The following MED25 variants were observed in gnomAD, a reference collection of about 807,000 sequenced individuals.
The protein encoded by MED25 is mediator complex subunit 25.
MED25 carries 62 observed loss-of-function variants against 89.4 expected under a neutral mutation model. That is an observed-to-expected ratio of 0.69 (90% confidence interval 0.57 to 0.86). The LOEUF (loss-of-function observed/expected upper bound fraction) is 0.86. Among genes scored for constraint, MED25 ranks in the 40% least tolerant of loss-of-function variants. MED25 has a pLI of 0.00. For synonymous variants in MED25, 449 were observed against 427.9 expected, an observed-to-expected ratio of 1.05 and a Z score of -0.61; for missense variants, 905 against 1,005.2, an observed-to-expected ratio of 0.90 and a Z score of 1.35.
chr19:49,836,027 T>C lies in MED25; in HGVS notation c.1965+82T>C, dbSNP rs2074095310. Reference sequence around the variant, plus strand: ...TCCTGTTGTCTGGGAGGAGGGAGGTTGACTGTGGTCAGTGGGTGTGAATGG... The same window carrying C: ...TCCTGTTGTCTGGGAGGAGGGAGGTCGACTGTGGTCAGTGGGTGTGAATGG... On this transcript the variant is annotated intron_variant, in intron 16 of 17. Transcript: ENST00000312865. The surrounding 1 kb of genome is among the most constrained non-coding windows in gnomAD (Gnocchi z 5.1). 6.4e-7 allele frequency: 1 copy of C among 1,568,898 alleles called. No homozygotes were observed. The highest frequency in any genetic ancestry group is 1.4e-5 in the African/African-American group (1 of 73,512).
chr19:49,835,222 C>T lies in MED25; in HGVS notation c.1674+45C>T. The T allele has an allele frequency of 6.2e-7, 1 of 1,606,696 alleles. No homozygotes were observed. Among genetic ancestry groups the T allele is most frequent in the Non-Finnish European group, 8.5e-7 (1 of 1,173,854 alleles). On this transcript the variant is annotated intron_variant, in intron 14 of 17. Transcript: ENST00000312865. This position sits in a 1 kb window ranked among gnomAD's most constrained non-coding sequence, Gnocchi z 6.2. ...AAACCAGCACTCCGACCCCCTCCTG[C>T]CCGGGCCCCACATGGCCCCCTGGGG... is the stretch of plus-strand genomic sequence containing the variant.
At position 49,818,573 on chromosome 19, in the gene MED25, AT is replaced by A; in HGVS notation, c.141del (p.Phe47LeufsTer167). On this transcript the variant is annotated frameshift_variant, in exon 2 of 18. Coordinates refer to ENST00000312865, the MANE Select transcript of MED25 (RefSeq NM_030973.4). LOFTEE classifies it high-confidence loss of function. ...RKHYLLPAIE[Y>X]FNGGPPAETD... ...CCTTTCACTTCCTACCCTCACAGGT[AT>A]TTTAATGGTGGTCCTCCTGCTGAGA... 6.2e-7 allele frequency: 1 copy of A among 1,614,142 alleles called. No homozygotes were observed. Among genetic ancestry groups the A allele is most frequent in the Non-Finnish European group, 8.5e-7 (1 of 1,180,018 alleles).
chr19:49,818,731 T>A, intron 2 of MED25, 115 bp downstream of exon 2: 1 of 1,003,728 alleles, frequency 1.0e-6, no homozygotes, highest in Non-Finnish European at 1.5e-6. Flanking sequence ...GAGGAGGGGC[T>A]GGGGGTCTGG....
downstream of MED25, among the ~76,000 whole-genome samples, chr19:49,837,723 G>A (rs2074109660): frequency 6.6e-6 from 1 of 152,190 alleles, no homozygotes; most frequent in Non-Finnish European, 1.5e-5. Context: ...AGTGCAGGTG[G>A]TCCAAGGGAC....
At chr19:49,838,500 C>T (rs755762728), downstream of MED25, 7 of 443,426 alleles carry the variant, frequency 1.6e-5, no homozygotes, top group East Asian at 7.0e-5. Context: ...GCCTTTGTCA[C>T]GGGGTTTGCA....
chr19:49,829,135 G>A lies in MED25; in HGVS notation c.525+45G>A, dbSNP rs776380023. The A allele has an allele frequency of 1.9e-6, 3 of 1,565,626 alleles. No individual in the cohort carries two copies. The Admixed American group carries it at 5.3e-5, about 28-fold the overall frequency. ...AGGGACGAGGGTCTGGGGGCCCGGA[G>A]TCTTGGGTCTGAGGCAGGAGGCACT... On this transcript the variant is annotated intron_variant, in intron 5 of 17. Coordinates refer to ENST00000312865, the MANE Select transcript of MED25 (RefSeq NM_030973.4). This position sits in a 1 kb window ranked among gnomAD's most constrained non-coding sequence, Gnocchi z 4.6.
chr19:49,833,747 A>G (rs940060961), intron 13 of MED25: 1 of 152,176 alleles, frequency 6.6e-6, no homozygotes, highest in African/African-American at 2.4e-5. Flanking sequence ...TGAAACCTTT[A>G]CTGGGCTGGA....
At position 49,829,047 on chromosome 19, in the gene MED25, A is replaced by C; in HGVS notation, c.482A>C (p.Tyr161Ser). Residue 161 changes from tyrosine (Y) to serine (S), a missense_variant, in exon 5 of 18, where the codon TAC becomes TCC. Around this residue, in one of 3 missense-constraint regions of MED25, gnomAD observed 501 missense variants for 526.9 expected, o/e 0.95. Coordinates refer to ENST00000312865, the MANE Select transcript of MED25 (RefSeq NM_030973.4). This position sits in a 1 kb window ranked among gnomAD's most constrained non-coding sequence, Gnocchi z 4.6. ...YLLPAVESTT[Y>S]SGCTTENLVQ... ...TTGCCTGCTGTTGAGAGCACCACGTACTCTGGATGCACAACTGAGAATCTT... is the reference window on the plus strand; with the variant it reads ...TTGCCTGCTGTTGAGAGCACCACGTCCTCTGGATGCACAACTGAGAATCTT... The C allele has an allele frequency of 6.2e-7, 1 of 1,613,906 alleles. No homozygotes were observed. The highest frequency in any genetic ancestry group is 8.5e-7 in the Non-Finnish European group (1 of 1,179,972).
At chr19:49,840,326 A>G (rs998158103), downstream of MED25, 2 of 152,136 alleles carry the variant, frequency 1.3e-5, no homozygotes, top group African/African-American at 4.8e-5. Flanking sequence ...AGTAACATCC[A>G]TGTTTGTATT....
At chr19:49,833,443 T>C (rs1308544847) in intron 13 of MED25, 1 of 152,252 alleles carries the variant, frequency 6.6e-6, no homozygotes, top group East Asian at 1.9e-4. Flanking sequence ...GTTCACACTT[T>C]GTAACTCGGG....
rs377244065 is a variant in MED25, at chr19:49,818,517, C to T, written c.134+42C>T. On this transcript the variant is annotated intron_variant, in intron 1 of 17. Coordinates refer to ENST00000312865, the MANE Select transcript of MED25 (RefSeq NM_030973.4). The stretch of plus-strand genomic sequence containing the variant: ...CGACTCTAACCCCGCCCTCCCACTT[C>T]AGTTTCGCACAGTTTCTTGCCTGAC... 47 of 1,614,080 alleles carry T rather than the reference C, an allele frequency of 2.9e-5. No individual in the cohort carries two copies. The African/African-American group carries it at 5.2e-4, about 18-fold the overall frequency.
chr19:49,836,642 G>C lies in MED25; in HGVS notation c.2147-205G>C. The C allele has an allele frequency of 5.4e-6, 4 of 740,110 alleles. No homozygotes were observed. The South Asian group carries it at 5.9e-5, about 11-fold the overall frequency. 45.8% of individuals were successfully genotyped at this position (740,110 alleles called of 1,614,324 possible). On this transcript the variant is annotated intron_variant, in intron 17 of 17. Transcript: ENST00000312865. The surrounding 1 kb of genome is among the most constrained non-coding windows in gnomAD (Gnocchi z 5.1). ...TCCTGTGTGTGCTCCTGGGATTGCT[G>C]GGAAATGTGGTCTTAGGGCCAGAGA...
chr19:49,818,625 A>G lies in MED25; in HGVS notation c.180+9A>G, dbSNP rs978098312. 4 of 1,612,884 alleles carry G rather than the reference A, an allele frequency of 2.5e-6. No homozygotes were observed. Among genetic ancestry groups the G allele is most frequent in the African/African-American group, 2.7e-5 (2 of 74,880 alleles). On this transcript the variant is annotated intron_variant, in intron 2 of 17. Transcript: ENST00000312865. ...CGGACTTCGGGGGAGACGTGAGTCTAGGGACTCCTGGGCCTGAGGGAGGAG... is the reference window on the plus strand; with the variant it reads ...CGGACTTCGGGGGAGACGTGAGTCTGGGGACTCCTGGGCCTGAGGGAGGAG...
chr19:49,823,534 G>A (rs553913585), intron 3 of MED25, among the ~76,000 whole-genome samples: 2 of 152,250 alleles, frequency 1.3e-5, no homozygotes, highest in South Asian at 4.2e-4. Context: ...GTGTATCTCC[G>A]TGTTGTTAGA....
rs2074035308 is a variant in MED25, at chr19:49,829,123, T to TG, written c.525+38dup. 3 of 1,597,296 alleles carry TG rather than the reference T, an allele frequency of 1.9e-6. No homozygotes were observed. The East Asian group carries it at 6.8e-5, about 36-fold the overall frequency. ...CTCCAGGGTCTGAGGGACGAGGGTC[T>TG]GGGGGCCCGGAGTCTTGGGTCTGAG... is the stretch of plus-strand genomic sequence containing the variant. On this transcript the variant is annotated intron_variant, in intron 5 of 17. Coordinates refer to ENST00000312865, the MANE Select transcript of MED25 (RefSeq NM_030973.4). The surrounding 1 kb of genome is among the most constrained non-coding windows in gnomAD (Gnocchi z 4.6).
Position 49,832,615 on chromosome 19 carries a change from A to G in MED25, c.1482+200A>G, listed in dbSNP as rs1290652. Among the ~76,000 whole-genome samples, 83,181 of 151,876 alleles carry G rather than the reference A, an allele frequency of 0.55. 22,948 individuals are homozygous for G. Among genetic ancestry groups the G allele is most frequent in the Middle Eastern group, 0.59 (173 of 294 alleles). The stretch of plus-strand genomic sequence containing the variant: ...ATCGTATGCACCAGATTTGAGGGAT[A>G]TTCCACATTAAAAATGTGAGCTGGA... On this transcript the variant is annotated intron_variant, in intron 13 of 17. Coordinates refer to ENST00000312865, the MANE Select transcript of MED25 (RefSeq NM_030973.4).
At chr19:49,840,170 C>T (rs942713812), downstream of MED25, 22 of 152,258 alleles carry the variant, frequency 1.4e-4, no homozygotes, top group African/African-American at 5.1e-4. Context: ...CTGACACTGA[C>T]ATCTCGGTGT....
intron 3 of MED25, 94 bp from the exon 4 acceptor site, chr19:49,828,355 T>C: frequency 2.3e-6 from 2 of 858,828 alleles, no homozygotes; most frequent in South Asian, 1.3e-5. Context: ...TAGCCCAGGA[T>C]AGAGTGGGGG....
At chr19:49,832,442 G>T in intron 13 of MED25, 27 bp downstream of exon 13, 1 of 1,303,834 alleles carries the variant, frequency 7.7e-7, no homozygotes, top group Non-Finnish European at 1.1e-6. Context: ...GGGGGCCGAG[G>T]GGTGTTGACT....
Sources: gnomAD v4.1 joint callset for allele counts (sites outside exome capture counted in the v4.1 genomes callset) on GRCh38, gnomAD v4.1.1 for gene constraint, gnomAD v4.1.1 regional missense constraint, Gnocchi (gnomAD v3.1) non-coding constraint, MANE v1.5 for transcripts, NCBI Gene and HGNC (gene_info 2026-07-23, HGNC 2026-07-21) for gene names.